TMEM59: variants seen among roughly 807,000 people sequenced by gnomAD.
TMEM59 encodes dendritic cell factor 1.
A neutral mutation model predicts 42.2 loss-of-function variants in TMEM59; 44 were observed. The observed-to-expected ratio is 1.04, with a 90% CI of 0.82 to 1.34. The LOEUF (loss-of-function observed/expected upper bound fraction) is 1.34. TMEM59 is among the 40% of genes most tolerant of loss of function. The pLI is 0.00. For synonymous variants in TMEM59, 148 were observed against 145.8 expected (o/e 1.02, Z -0.11); for missense variants, 359 against 382.8 (o/e 0.94, Z 0.52).
At position 54,028,461 on chromosome 1, in the gene TMEM59, T is replaced by C. The variant is rs1001826955; in HGVS notation, c.*3689A>G. 6.6e-6 allele frequency: 1 copy of C among 152,268 alleles called. No individual in the cohort carries two copies. Among genetic ancestry groups the C allele is most frequent in the Non-Finnish European group, 1.5e-5 (1 of 68,106 alleles). The allele number at this position is 152,268 out of a possible 1,614,324, so 9.4% of individuals were successfully genotyped here. ...TTAAAATCTTTCAGTGGCTCTCTAC[T>C]GTGCTCAGGATCAAGTGCAGGTTTA... On this transcript the variant is annotated 3_prime_UTR_variant, in exon 8 of 8. Transcript: ENST00000234831.
At chr1:54,037,693 A>G (rs1656998304) in intron 6 of TMEM59, among the ~76,000 whole-genome samples, 1 of 152,266 alleles carries the variant, frequency 6.6e-6, no homozygotes, top group Non-Finnish European at 1.5e-5. Context: ...TGCAGTAAGC[A>G]CAGTCATTGT....
chr1:54,040,589 C>A (rs1237484504), intron 6 of TMEM59, among the ~76,000 whole-genome samples, 167 bp downstream of exon 6: 3 of 152,134 alleles, frequency 2.0e-5, no homozygotes, highest in Non-Finnish European at 2.9e-5. Flanking sequence ...AAGTAGTATG[C>A]CTACAACCTT....
chr1:54,040,097 T>C (rs1005182995), intron 6 of TMEM59, among the ~76,000 whole-genome samples: 16 of 152,126 alleles, frequency 1.1e-4, no homozygotes, highest in African/African-American at 3.9e-4. Flanking sequence ...AATCTGGCCA[T>C]GCAGATAAAA....
chr1:54,050,626 C>G (rs1657501559), intron 1 of TMEM59, among the ~76,000 whole-genome samples: 1 of 149,312 alleles, frequency 6.7e-6, no homozygotes, highest in African/African-American at 2.5e-5. Context: ...TGCGGTGGCG[C>G]GGGCTCACTG....
chr1:54,053,440 C>T (rs1341689515), upstream of TMEM59: 3 of 519,280 alleles, frequency 5.8e-6, no homozygotes, highest in African/African-American at 3.8e-5. Context: ...GCGGGGCCTC[C>T]TGACTTCTTC....
intron 7 of TMEM59, chr1:54,033,572 A>G (rs2100297229): frequency 6.9e-6 from 1 of 145,712 alleles, no homozygotes; most frequent in Non-Finnish European, 1.5e-5. Flanking sequence ...ACTGCCCTCC[A>G]GCCTGGGGGA....
At position 54,027,720 on chromosome 1, in the gene TMEM59, A is replaced by C. The variant is rs1020743476; in HGVS notation, c.*4430T>G. The C allele has an allele frequency of 6.6e-6, 1 of 152,092 alleles. No homozygotes were observed. The highest frequency in any genetic ancestry group is 1.5e-5 in the Non-Finnish European group (1 of 68,054). The allele number at this position is 152,092 out of a possible 1,614,324, so 9.4% of individuals were successfully genotyped here. ...GGAGCTGTGGAGGTTGCAGTGAGTC[A>C]AGATTGTACCAGTGCACTCCAGCCT... On this transcript the variant is annotated 3_prime_UTR_variant, in exon 8 of 8. Transcript: ENST00000234831.
rs1366141651 is a variant in TMEM59, at chr1:54,031,374, A to AG, written c.*775dup. 2.0e-5 allele frequency: 3 copies of AG among 152,212 alleles called. No individual in the cohort carries two copies. Among genetic ancestry groups the AG allele is most frequent in the African/African-American group, 7.2e-5 (3 of 41,448 alleles). 9.4% of individuals were successfully genotyped at this position (152,212 alleles called of 1,614,324 possible). A position where few individuals can be genotyped will look rare whatever the true frequency, so the allele number is the denominator to read the frequency against. On this transcript the variant is annotated 3_prime_UTR_variant, in exon 8 of 8. Coordinates refer to ENST00000234831, the MANE Select transcript of TMEM59 (RefSeq NM_004872.5). ...AATTTATACTTAATTCTGTATCACAAGAGTCTAATTTTTAGTGTTAAAATG... is the reference window on the plus strand; with the variant it reads ...AATTTATACTTAATTCTGTATCACAAGGAGTCTAATTTTTAGTGTTAAAATG...
intron 1 of TMEM59, among the ~76,000 whole-genome samples, chr1:54,050,889 C>T (rs1182131137): frequency 6.6e-6 from 1 of 150,390 alleles, no homozygotes; most frequent in Non-Finnish European, 1.5e-5. Context: ...TTTTGAGACA[C>T]GGTCTCATTC....
intron 1 of TMEM59, among the ~76,000 whole-genome samples, chr1:54,048,946 T>C (rs1657437465): frequency 6.6e-6 from 1 of 152,362 alleles, no homozygotes. Flanking sequence ...TCTGAGTAGC[T>C]GTTGCAGGCT....
intron 1 of TMEM59, among the ~76,000 whole-genome samples, chr1:54,049,171 A>G (rs1657445521): frequency 6.6e-6 from 1 of 152,214 alleles, no homozygotes; most frequent in South Asian, 2.1e-4. Flanking sequence ...CCTGGTTTGA[A>G]GCTCAGACTT....
At chr1:54,038,414 G>A (rs1392579000) in intron 6 of TMEM59, among the ~76,000 whole-genome samples, 2 of 152,182 alleles carry the variant, frequency 1.3e-5, no homozygotes, top group African/African-American at 2.4e-5. Flanking sequence ...GACTGTGTGT[G>A]TGTATAGCAA....
At chr1:54,042,057 T>TG (rs1240437852) in intron 4 of TMEM59, among the ~76,000 whole-genome samples, 1 of 141,206 alleles carries the variant, frequency 7.1e-6, no homozygotes, top group African/African-American at 2.6e-5. Context: ...TTTTGTTTTG[T>TG]TTTTTTTTTT....
intron 1 of TMEM59, 63 bp downstream of exon 1, chr1:54,052,937 G>A: frequency 6.5e-7 from 1 of 1,548,776 alleles, no homozygotes; most frequent in Non-Finnish European, 8.8e-7. Context: ...GCCGACATAC[G>A]TGTGGGGAGC....
chr1:54,053,041 G>A lies in TMEM59; in HGVS notation c.148C>T (p.Arg50Trp), dbSNP rs771778883. 1.9e-6 allele frequency: 3 copies of A among 1,614,150 alleles called. No individual in the cohort carries two copies. The highest frequency in any genetic ancestry group is 1.3e-5 in the African/African-American group (1 of 75,062). Reference sequence around the variant, plus strand: ...AAGGGGTAGGTCAACTGACAGGCCCGGTGGCAAGACGCCGTATCACCCAAG... The same window carrying A: ...AAGGGGTAGGTCAACTGACAGGCCCAGTGGCAAGACGCCGTATCACCCAAG... ...SVLGDTASCHRACQLTYPLHT... is the reference protein window; with the variant it reads ...SVLGDTASCHWACQLTYPLHT... Residue 50 changes from arginine (R) to tryptophan (W), a missense_variant, in exon 1 of 8, where the codon CGG becomes TGG. Transcript: ENST00000234831.
rs184703256 is a variant in TMEM59, at chr1:54,039,521, G to T, written c.707+1235C>A. On this transcript the variant is annotated intron_variant, in intron 6 of 7. Coordinates refer to ENST00000234831, the MANE Select transcript of TMEM59 (RefSeq NM_004872.5). ...GGATAAAATTTAAAGTTTAATCCTTGTTTTCTCACATAGTCTTTAAACATT... is the reference window on the plus strand; with the variant it reads ...GGATAAAATTTAAAGTTTAATCCTTTTTTTCTCACATAGTCTTTAAACATT... Among the ~76,000 whole-genome samples, 3 of 152,268 alleles carry T rather than the reference G, an allele frequency of 2.0e-5. No individual in the cohort carries two copies. In the East Asian group the frequency reaches 5.8e-4, roughly 29 times the overall value.
At chr1:54,042,437 G>C (rs971587757) in intron 4 of TMEM59, among the ~76,000 whole-genome samples, 1 of 152,134 alleles carries the variant, frequency 6.6e-6, no homozygotes, top group African/African-American at 2.4e-5. Context: ...ATGCCTTGAG[G>C]TAAGTAGCTT....
chr1:54,032,619 T>C (rs1257098338), intron 7 of TMEM59, among the ~76,000 whole-genome samples: 1 of 152,240 alleles, frequency 6.6e-6, no homozygotes, highest in Non-Finnish European at 1.5e-5. Context: ...AGTGGTAAAA[T>C]AATTTGGTGC....
Position 54,028,903 on chromosome 1 carries a change from T to C in TMEM59, c.*3247A>G, listed in dbSNP as rs1285548020. On this transcript the variant is annotated 3_prime_UTR_variant, in exon 8 of 8. Coordinates refer to ENST00000234831, the MANE Select transcript of TMEM59 (RefSeq NM_004872.5). ...TTGTTGAATGGTTAAATTGTGGATC[T>C]ATAAAGGCAGAACTGAGCAAAATTA... 6.6e-6 allele frequency: 1 copy of C among 152,208 alleles called. No homozygotes were observed. The highest frequency in any genetic ancestry group is 6.5e-5 in the Admixed American group (1 of 15,282). The allele number at this position is 152,208 out of a possible 1,614,324, so 9.4% of individuals were successfully genotyped here.
Sources: allele counts gnomAD v4.1 joint callset (sites outside exome capture counted in the v4.1 genomes callset), GRCh38; gene constraint gnomAD v4.1.1; transcripts MANE v1.5; gene names NCBI Gene and HGNC (gene_info 2026-07-23, HGNC 2026-07-21).